Variants in SNX18 observed in about 807,000 individuals in gnomAD.
SNX18 encodes the protein sorting nexin 18, also known as sorting nexin-18.
Under a neutral mutation model 48.7 loss-of-function variants are expected in SNX18, and 35 were observed. The observed-to-expected ratio is 0.72, with a 90% CI of 0.55 to 0.95. SNX18 has a LOEUF of 0.95. Among genes scored for constraint, SNX18 ranks in the 40% least tolerant of loss-of-function variants. The pLI is 0.00. For synonymous variants in SNX18, 492 were observed against 384.7 expected (o/e 1.28, Z -3.26); for missense variants, 824 against 871.0 (o/e 0.95, Z 0.68).
the SNX18 span, among the ~76,000 whole-genome samples, chr5:54,559,528 T>C: frequency 5.3e-4 from 81 of 152,194 alleles, no homozygotes; most frequent in African/African-American, 1.9e-3. Context: ...CACATGCAGA[T>C]TGAAACTGGA....
intron 1 of SNX18, among the ~76,000 whole-genome samples, chr5:54,531,810 G>A (rs1328989615): frequency 6.6e-6 from 1 of 152,180 alleles, no homozygotes; most frequent in East Asian, 1.9e-4. Context: ...GAAGGGATGT[G>A]AAGCAGCACT....
the SNX18 span, among the ~76,000 whole-genome samples, chr5:54,560,646 AAAAAT>A: frequency 2.0e-5 from 3 of 152,216 alleles, no homozygotes; most frequent in Non-Finnish European, 1.5e-5. Context: ...AATTAAAGAT[AAAAAT>A]AAAAGAAAAG....
At position 54,544,641 on chromosome 5, in the gene SNX18, C is replaced by CCG. The variant is rs1762542926; in HGVS notation, c.*1210_*1211insGC. 7.5e-6 allele frequency: 1 copy of CCG among 133,904 alleles called. No homozygotes were observed. Among genetic ancestry groups the CCG allele is most frequent in the Non-Finnish European group, 1.6e-5 (1 of 63,218 alleles). 8.3% of individuals were successfully genotyped at this position (133,904 alleles called of 1,614,324 possible). The stretch of plus-strand genomic sequence containing the variant: ...AAAAAAAAGGTATTGATGAGCCCCC[C>CCG]CCCCCCAGGACATTTAACCTTAAAA... On this transcript the variant is annotated 3_prime_UTR_variant, in exon 2 of 2. Transcript: ENST00000381410.
the SNX18 span, among the ~76,000 whole-genome samples, chr5:54,637,448 G>T: frequency 1.3e-5 from 2 of 152,034 alleles, no homozygotes; most frequent in South Asian, 2.1e-4. Context: ...TTTTATCAAA[G>T]AAATTTTCTA....
chr5:54,585,062 C>G, the SNX18 span, among the ~76,000 whole-genome samples: 5 of 152,090 alleles, frequency 3.3e-5, no homozygotes, highest in African/African-American at 1.2e-4. Context: ...GAGGCTGAGG[C>G]AGGAGGATCA....
At chr5:54,565,169 A>T in the SNX18 span, among the ~76,000 whole-genome samples, 1 of 152,214 alleles carries the variant, frequency 6.6e-6, no homozygotes, top group African/African-American at 2.4e-5. Context: ...TATTTCATGC[A>T]ACATAATTTC....
At chr5:54,595,419 T>A in the SNX18 span, among the ~76,000 whole-genome samples, 1 of 151,760 alleles carries the variant, frequency 6.6e-6, no homozygotes, top group Admixed American at 6.6e-5. Context: ...GTATTTTTAG[T>A]AGAGACAGGG....
the SNX18 span, among the ~76,000 whole-genome samples, chr5:54,585,874 G>A: frequency 6.6e-5 from 10 of 152,122 alleles, no homozygotes; most frequent in Middle Eastern, 6.8e-3. Context: ...ACATGGTGGC[G>A]GGTGCCTGTA....
chr5:54,624,545 C>A, the SNX18 span, among the ~76,000 whole-genome samples: 2 of 152,164 alleles, frequency 1.3e-5, no homozygotes, highest in Admixed American at 6.5e-5. Context: ...TCAGAACTTA[C>A]AAGTATCGTA....
Position 54,517,901 on chromosome 5 carries a change from G to A in SNX18, c.-52G>A, listed in dbSNP as rs1761895532. On this transcript the variant is annotated 5_prime_UTR_variant, in exon 1 of 2. Transcript: ENST00000381410. ...GCAGTACCGCGGGCCCCTCAGGTGG[G>A]CCTCGGCTCGGGACGCCGGGAGTCG... is the stretch of plus-strand genomic sequence containing the variant. The A allele has an allele frequency of 2.6e-5, 38 of 1,453,980 alleles. No homozygotes were observed. The highest frequency in any genetic ancestry group is 3.4e-5 in the Non-Finnish European group (38 of 1,110,474). The allele number at this position is 1,453,980 out of a possible 1,614,324, so 90.1% of individuals were successfully genotyped here. A position where few individuals can be genotyped will look rare whatever the true frequency, so the allele number is the denominator to read the frequency against.
rs971159225 is a variant in SNX18 at position 54,544,645 on chromosome 5, C to G, written c.*1213C>G. 69 of 137,812 alleles carry G rather than the reference C, an allele frequency of 5.0e-4. 2 individuals are homozygous for G. Among genetic ancestry groups the G allele is most frequent in the African/African-American group, 1.4e-3 (53 of 37,408 alleles). The allele number at this position is 137,812 out of a possible 1,614,324, so 8.5% of individuals were successfully genotyped here. A position where few individuals can be genotyped will look rare whatever the true frequency, so the allele number is the denominator to read the frequency against. On this transcript the variant is annotated 3_prime_UTR_variant, in exon 2 of 2. Transcript: ENST00000381410. ...AAAAGGTATTGATGAGCCCCCCCCC[C>G]CCAGGACATTTAACCTTAAAATTTA...
At chr5:54,552,029 T>C in the SNX18 span, among the ~76,000 whole-genome samples, 2 of 152,230 alleles carry the variant, frequency 1.3e-5, no homozygotes, top group African/African-American at 4.8e-5. Context: ...ACCTCTGTGC[T>C]AGTTTCAGGA....
chr5:54,520,627 A>G (rs139255694), intron 1 of SNX18: 9 of 166,878 alleles, frequency 5.4e-5, no homozygotes, highest in African/African-American at 1.7e-4. Context: ...TTTATGAGCA[A>G]CCCTGATCTC....
the SNX18 span, among the ~76,000 whole-genome samples, chr5:54,637,986 G>GGACAGAGA: frequency 6.7e-6 from 1 of 149,326 alleles, no homozygotes; most frequent in Non-Finnish European, 1.5e-5. Context: ...CTGCTGGACT[G>GGACAGAGA]GAGAGAGAGA....
At chr5:54,578,635 G>A in the SNX18 span, among the ~76,000 whole-genome samples, 1 of 152,320 alleles carries the variant, frequency 6.6e-6, no homozygotes, top group African/African-American at 2.4e-5. Flanking sequence ...GCAGTGAGAG[G>A]TCCCCCTGCC....
At chr5:54,539,018 A>G (rs1762410391) in intron 1 of SNX18, among the ~76,000 whole-genome samples, 1 of 152,014 alleles carries the variant, frequency 6.6e-6, no homozygotes, top group Admixed American at 6.5e-5. Flanking sequence ...ACCTTCATTG[A>G]CCATTTTATA....
the SNX18 span, among the ~76,000 whole-genome samples, chr5:54,628,940 G>A: frequency 6.6e-6 from 1 of 152,040 alleles, no homozygotes; most frequent in South Asian, 2.1e-4. Flanking sequence ...TCCAGAATTG[G>A]TGGCTCCCTG....
the SNX18 span, among the ~76,000 whole-genome samples, chr5:54,627,208 G>C: frequency 6.6e-6 from 1 of 152,122 alleles, no homozygotes. Context: ...AGGGACTTTT[G>C]TTGTAGCTGA....
chr5:54,638,709 TA>T, the SNX18 span, among the ~76,000 whole-genome samples: 1 of 152,210 alleles, frequency 6.6e-6, no homozygotes, highest in Non-Finnish European at 1.5e-5. Flanking sequence ...TTTAGCCTCA[TA>T]ACAATCTTAC....
Sources: allele counts gnomAD v4.1 joint callset (sites outside exome capture counted in the v4.1 genomes callset), GRCh38; gene constraint gnomAD v4.1.1; transcripts MANE v1.5; gene names NCBI Gene and HGNC (gene_info 2026-07-23, HGNC 2026-07-21).